Variants in ROBO1 observed in about 807,000 individuals in gnomAD.
ROBO1 encodes the protein roundabout homolog 1.
In ROBO1, 149 loss-of-function variants were observed where a neutral mutation model predicts 195.9. That is an observed-to-expected ratio of 0.76 (90% CI 0.67 to 0.87). The LOEUF (loss-of-function observed/expected upper bound fraction) is 0.87, where lower values mean the gene tolerates loss of function less well. Ranked by LOEUF, ROBO1 falls within the 40% of genes least tolerant of loss-of-function variation. The pLI is 0.00. For missense variants in ROBO1, 1,933 were observed against 2,068.3 expected (o/e 0.93, Z 1.27); for synonymous variants, 816 against 733.2 (o/e 1.11, Z -1.82).
intron 3 of ROBO1, among the ~76,000 whole-genome samples, chr3:78,955,741 G>T (rs554446058): frequency 8.5e-5 from 13 of 152,178 alleles, no homozygotes; most frequent in African/African-American, 3.1e-4. Flanking sequence ...TAGCATATGG[G>T]ATTGCAATTT....
At chr3:79,733,856 C>A (rs1219783817) in intron 1 of ROBO1, among the ~76,000 whole-genome samples, 1 of 152,010 alleles carries the variant, frequency 6.6e-6, no homozygotes, top group African/African-American at 2.4e-5. Flanking sequence ...CTCACATATG[C>A]CAAATTCTTA....
chr3:79,726,941 A>C (rs1379074576), intron 1 of ROBO1, among the ~76,000 whole-genome samples: 1 of 152,188 alleles, frequency 6.6e-6, no homozygotes, highest in Admixed American at 6.5e-5. Flanking sequence ...GCACCATCTC[A>C]TAGTCTTAGG....
chr3:79,323,635 C>T (rs1478702317), intron 2 of ROBO1, among the ~76,000 whole-genome samples: 1 of 152,108 alleles, frequency 6.6e-6, no homozygotes, highest in Non-Finnish European at 1.5e-5. Flanking sequence ...TGAAGTTATG[C>T]TACTCTTAAT....
intron 2 of ROBO1, among the ~76,000 whole-genome samples, chr3:79,463,823 C>A (rs924963400): frequency 1.3e-5 from 2 of 152,118 alleles, no homozygotes; most frequent in Non-Finnish European, 2.9e-5. Context: ...AAGTATACAA[C>A]CCCATGGTTT....
At chr3:79,736,223 C>G (rs185929131) in intron 1 of ROBO1, among the ~76,000 whole-genome samples, 54 of 152,196 alleles carry the variant, frequency 3.5e-4, no homozygotes, top group Admixed American at 1.6e-3. Flanking sequence ...GAAGGTGTAA[C>G]GGAGCTTGAT....
chr3:79,475,332 A>C (rs1252446437), intron 2 of ROBO1, among the ~76,000 whole-genome samples: 1 of 152,018 alleles, frequency 6.6e-6, no homozygotes, highest in African/African-American at 2.4e-5. Context: ...CTACATGTAG[A>C]TAAGTCTGGG....
intron 2 of ROBO1, among the ~76,000 whole-genome samples, chr3:79,359,836 T>TA (rs1031187007): frequency 2.6e-5 from 4 of 151,866 alleles, no homozygotes; most frequent in Non-Finnish European, 4.4e-5. Flanking sequence ...AAGCATAAGA[T>TA]AAAATACTTC....
At chr3:79,220,282 C>A (rs1331049238) in intron 2 of ROBO1, among the ~76,000 whole-genome samples, 2 of 151,914 alleles carry the variant, frequency 1.3e-5, no homozygotes, top group Non-Finnish European at 2.9e-5. Flanking sequence ...AAAGAAATCC[C>A]AAAATATTTC....
At chr3:79,243,618 T>C (rs1288162980) in intron 2 of ROBO1, among the ~76,000 whole-genome samples, 3 of 152,160 alleles carry the variant, frequency 2.0e-5, no homozygotes, top group African/African-American at 7.2e-5. Context: ...GTCTTTTGGC[T>C]GCATAAATGT....
At chr3:78,827,764 T>A (rs1462705732) in intron 4 of ROBO1, among the ~76,000 whole-genome samples, 1 of 152,182 alleles carries the variant, frequency 6.6e-6, no homozygotes, top group African/African-American at 2.4e-5. Flanking sequence ...GGAGGCAGAA[T>A]GTTCTCTTCC....
chr3:79,740,568 T>TGAGTGCC (rs1478941153), intron 1 of ROBO1, among the ~76,000 whole-genome samples: 1 of 152,060 alleles, frequency 6.6e-6, no homozygotes, highest in Non-Finnish European at 1.5e-5. Context: ...GGACTGAGAA[T>TGAGTGCC]GAGTGCCGAG....
At chr3:79,496,125 A>G (rs1213619584) in intron 2 of ROBO1, among the ~76,000 whole-genome samples, 2 of 149,658 alleles carry the variant, frequency 1.3e-5, no homozygotes, top group Non-Finnish European at 3.0e-5. Flanking sequence ...AGGAGTGAGA[A>G]TATCTTGAAC....
At chr3:78,996,412 C>G (rs2108095691) in intron 3 of ROBO1, among the ~76,000 whole-genome samples, 1 of 151,956 alleles carries the variant, frequency 6.6e-6, no homozygotes, top group Non-Finnish European at 1.5e-5. Flanking sequence ...ATTTATCAAG[C>G]TTTTCCTACC....
intron 1 of ROBO1, among the ~76,000 whole-genome samples, chr3:79,631,729 C>G (rs1945348221): frequency 6.6e-6 from 1 of 151,838 alleles, no homozygotes. Flanking sequence ...TATTTGCAAA[C>G]TATGCATCTG....
At chr3:78,746,231 C>A (rs747138296) in intron 5 of ROBO1, among the ~76,000 whole-genome samples, 3 of 152,086 alleles carry the variant, frequency 2.0e-5, no homozygotes, top group Non-Finnish European at 4.4e-5. Flanking sequence ...CATATGACTT[C>A]ATTTTATATT....
chr3:79,217,607 A>G (rs867171791), intron 2 of ROBO1, among the ~76,000 whole-genome samples: 2 of 151,860 alleles, frequency 1.3e-5, no homozygotes, highest in African/African-American at 4.8e-5. Context: ...TTTTTCTTAG[A>G]CTATTTCTGC....
rs758978019 is a variant in ROBO1 at position 79,300,166 on chromosome 3, C to CT, written c.89-174628_89-174627insA. ...CACCGCTGCAGTGTGGGAGCCCCTT[C>CT]CTGGGCTGGCCAAGGCCGAGCCGGC... On this transcript the variant is annotated intron_variant, in intron 2 of 30. Transcript: ENST00000464233. 2.3e-3 allele frequency among the ~76,000 whole-genome samples: 351 copies of CT among 152,300 alleles called. 1 individual carries two copies. Among genetic ancestry groups the CT allele is most frequent in the Admixed American group, 4.3e-3 (66 of 15,304 alleles).
At chr3:79,763,341 T>C (rs1704815606) in intron 1 of ROBO1, among the ~76,000 whole-genome samples, 1 of 152,098 alleles carries the variant, frequency 6.6e-6, no homozygotes, top group Admixed American at 6.6e-5. Flanking sequence ...AGGTAAAGGC[T>C]CAAAAAATGT....
chr3:79,036,450 A>G (rs1163361945), intron 3 of ROBO1, among the ~76,000 whole-genome samples: 1 of 152,182 alleles, frequency 6.6e-6, no homozygotes, highest in Non-Finnish European at 1.5e-5. Flanking sequence ...TAGAATATAT[A>G]CTGCCTTTCA....
Sources: gnomAD v4.1 joint callset for allele counts (sites outside exome capture counted in the v4.1 genomes callset) on GRCh38, gnomAD v4.1.1 for gene constraint, MANE v1.5 for transcripts, NCBI Gene and HGNC (gene_info 2026-07-23, HGNC 2026-07-21) for gene names.